KIAA0825: variants seen among roughly 807,000 people sequenced by gnomAD.
KIAA0825 encodes uncharacterized protein KIAA0825.
KIAA0825 carries 119 observed loss-of-function variants against 147.6 expected under a neutral mutation model. The observed-to-expected ratio is 0.81, with a 90% CI of 0.69 to 0.94. The LOEUF (loss-of-function observed/expected upper bound fraction) is 0.94, where lower values mean the gene tolerates loss of function less well. KIAA0825 is among the 40% of genes least tolerant of loss of function. KIAA0825 has a pLI of 0.00. For synonymous variants in KIAA0825, 470 were observed against 518.1 expected (o/e 0.91, Z 1.26); for missense variants, 1,381 against 1,472.7 (o/e 0.94, Z 1.02).
intron 20 of KIAA0825, among the ~76,000 whole-genome samples, chr5:94,315,356 A>AT (rs537918354): frequency 6.6e-6 from 1 of 151,324 alleles, no homozygotes; most frequent in African/African-American, 2.4e-5. Flanking sequence ...TAAACTTATT[A>AT]TTTTTTTTAA....
At chr5:94,367,708 G>C (rs972977791) in intron 20 of KIAA0825, among the ~76,000 whole-genome samples, 5 of 152,178 alleles carry the variant, frequency 3.3e-5, no homozygotes, top group Admixed American at 3.3e-4. Flanking sequence ...TTTTGAAGTG[G>C]AAGAGTGGCA....
At chr5:94,473,908 T>A (rs150719856) in intron 7 of KIAA0825, among the ~76,000 whole-genome samples, 94 of 152,334 alleles carry the variant, frequency 6.2e-4, no homozygotes, top group African/African-American at 2.1e-3. Context: ...ATTTTTATAG[T>A]CTTTTTTATA....
chr5:94,599,943 C>A (rs556710956), intron 1 of KIAA0825, among the ~76,000 whole-genome samples: 2 of 150,914 alleles, frequency 1.3e-5, no homozygotes, highest in Admixed American at 6.6e-5. Context: ...TCCACCCCCC[C>A]AAAAAAAAGG....
chr5:94,500,996 T>C (rs984285921), intron 5 of KIAA0825, among the ~76,000 whole-genome samples: 2 of 151,934 alleles, frequency 1.3e-5, no homozygotes, highest in African/African-American at 4.8e-5. Flanking sequence ...CCTCAGGTGA[T>C]CCACCCACCT....
At chr5:94,380,346 A>G (rs540147726) in intron 20 of KIAA0825, among the ~76,000 whole-genome samples, 1 of 152,272 alleles carries the variant, frequency 6.6e-6, no homozygotes, top group South Asian at 2.1e-4. Context: ...AAGAATACCT[A>G]CCCTGTGCTC....
intron 3 of KIAA0825, among the ~76,000 whole-genome samples, chr5:94,535,484 T>C (rs1771791786): frequency 9.6e-6 from 1 of 104,664 alleles, no homozygotes; most frequent in Admixed American, 1.4e-4. Context: ...TACTCCAGCC[T>C]GGGTGACTCA....
intron 14 of KIAA0825, among the ~76,000 whole-genome samples, chr5:94,426,281 T>C: frequency 6.6e-6 from 1 of 152,094 alleles, no homozygotes. Flanking sequence ...GCACTATTTA[T>C]AATAGCAAAG....
intron 20 of KIAA0825, among the ~76,000 whole-genome samples, chr5:94,376,639 A>G (rs1747620784): frequency 6.6e-6 from 1 of 152,198 alleles, no homozygotes; most frequent in Non-Finnish European, 1.5e-5. Context: ...CAAACAAACC[A>G]TGCTGCTGTA....
chr5:94,598,830 T>A (rs1392064149), intron 1 of KIAA0825, among the ~76,000 whole-genome samples: 1 of 152,178 alleles, frequency 6.6e-6, no homozygotes, highest in Non-Finnish European at 1.5e-5. Flanking sequence ...TGTCGTTATG[T>A]GGCACATGAC....
intron 20 of KIAA0825, among the ~76,000 whole-genome samples, chr5:94,238,765 T>C (rs1320554918): frequency 3.9e-5 from 6 of 152,150 alleles, no homozygotes; most frequent in Non-Finnish European, 8.8e-5. Flanking sequence ...TTCCCATGTT[T>C]GTCTTCCCCC....
At chr5:94,184,936 C>T (rs1769994349) in intron 20 of KIAA0825, among the ~76,000 whole-genome samples, 1 of 152,100 alleles carries the variant, frequency 6.6e-6, no homozygotes, top group African/African-American at 2.4e-5. Flanking sequence ...CAAGCCACCC[C>T]AAAACTTAGT....
chr5:94,375,866 T>C (rs1256589329), intron 20 of KIAA0825, among the ~76,000 whole-genome samples: 1 of 152,180 alleles, frequency 6.6e-6, no homozygotes, highest in African/African-American at 2.4e-5. Flanking sequence ...ATAAGGGATA[T>C]CCCTAGTACA....
At chr5:94,275,196 A>G (rs1584001309) in intron 20 of KIAA0825, among the ~76,000 whole-genome samples, 2 of 152,164 alleles carry the variant, frequency 1.3e-5, no homozygotes, top group Non-Finnish European at 2.9e-5. Flanking sequence ...ATGTTGACAA[A>G]AAGCTTATAA....
At chr5:94,237,813 A>T (rs1344330689) in intron 20 of KIAA0825, among the ~76,000 whole-genome samples, 1 of 152,186 alleles carries the variant, frequency 6.6e-6, no homozygotes, top group African/African-American at 2.4e-5. Context: ...AATAAACTAG[A>T]GACCTGCAAA....
chr5:94,252,635 A>G (rs1776022990), intron 20 of KIAA0825, among the ~76,000 whole-genome samples: 1 of 152,040 alleles, frequency 6.6e-6, no homozygotes, highest in Non-Finnish European at 1.5e-5. Flanking sequence ...CATAGGATAT[A>G]CAGATATGCC....
chr5:94,298,690 A>G (rs1281705836), intron 20 of KIAA0825, among the ~76,000 whole-genome samples: 4 of 152,192 alleles, frequency 2.6e-5, no homozygotes, highest in Non-Finnish European at 4.4e-5. Flanking sequence ...ACATTAGAAG[A>G]AAGTTAGGAG....
At chr5:94,467,257 A>C (rs1760666801) in intron 10 of KIAA0825, among the ~76,000 whole-genome samples, 1 of 152,222 alleles carries the variant, frequency 6.6e-6, no homozygotes, top group Admixed American at 6.5e-5. Context: ...CATTAAACTA[A>C]ATGTGGTTCA....
At chr5:94,525,720 A>G (rs1769146809) in intron 3 of KIAA0825, among the ~76,000 whole-genome samples, 1 of 151,974 alleles carries the variant, frequency 6.6e-6, no homozygotes, top group African/African-American at 2.4e-5. Context: ...TGAATTGGAA[A>G]GGCTCAGCAG....
intron 20 of KIAA0825, among the ~76,000 whole-genome samples, chr5:94,291,449 T>G (rs1469622143): frequency 6.6e-6 from 1 of 152,154 alleles, no homozygotes; most frequent in Non-Finnish European, 1.5e-5. Context: ...TTTCTGAGGC[T>G]CTGTTCTGTT....
Sources: allele counts gnomAD v4.1 joint callset (sites outside exome capture counted in the v4.1 genomes callset), GRCh38; gene constraint gnomAD v4.1.1; transcripts MANE v1.5; gene names NCBI Gene and HGNC (gene_info 2026-07-23, HGNC 2026-07-21).